Variants in PLOD2 observed in about 807,000 individuals in gnomAD.
The protein encoded by PLOD2 is procollagen-lysine,2-oxoglutarate 5-dioxygenase 2.
PLOD2 carries 65 observed loss-of-function variants against 101.0 expected under a neutral mutation model. The observed-to-expected ratio is 0.64, with a 90% CI of 0.53 to 0.79. The LOEUF is 0.79. Among genes scored for constraint, PLOD2 ranks in the 30% least tolerant of loss-of-function variants. The pLI is 0.00. For missense variants in PLOD2, 909 were observed against 914.6 expected, an observed-to-expected ratio of 0.99 and a Z score of 0.08; for synonymous variants, 314 against 302.9, an observed-to-expected ratio of 1.04 and a Z score of -0.38.
intron 1 of PLOD2, among the ~76,000 whole-genome samples, chr3:146,128,880 C>CTTTTTTTTTTTTTT (rs3975816): frequency 6.8e-5 from 5 of 73,180 alleles, no homozygotes; most frequent in Non-Finnish European, 9.6e-5. Context: ...ATCTGAAATC[C>CTTTTTTTTTTTTTT]TTTTTTTTTT....
intron 9 of PLOD2, among the ~76,000 whole-genome samples, chr3:146,087,761 TA>T (rs1262628541): frequency 6.6e-6 from 1 of 151,794 alleles, no homozygotes; most frequent in Non-Finnish European, 1.5e-5. Context: ...AGACAATACA[TA>T]AAAACAAAAT....
intron 2 of PLOD2, among the ~76,000 whole-genome samples, chr3:146,121,946 G>A (rs564874402): frequency 3.4e-4 from 51 of 152,150 alleles, no homozygotes; most frequent in African/African-American, 1.1e-3. Flanking sequence ...TGCAATACAC[G>A]TCCCTTCCCC....
intron 1 of PLOD2, among the ~76,000 whole-genome samples, chr3:146,152,559 T>C (rs1164316921): frequency 6.6e-6 from 1 of 152,160 alleles, no homozygotes; most frequent in African/African-American, 2.4e-5. Context: ...ATGGATCTCA[T>C]GGACTCCAAT....
rs2032561720 is a variant in PLOD2, at chr3:146,161,089, A to T, written c.-100T>A. Reference sequence around the variant, plus strand: ...GACCCGGGTCCGCCCTGAGCCGCCGATTGCGGGCGGGAGCCGGCGGGCAAG... The same window carrying T: ...GACCCGGGTCCGCCCTGAGCCGCCGTTTGCGGGCGGGAGCCGGCGGGCAAG... On this transcript the variant is annotated 5_prime_UTR_variant, in exon 1 of 20. Coordinates refer to ENST00000282903, the MANE Select transcript of PLOD2 (RefSeq NM_182943.3). 1 of 721,298 alleles carries T rather than the reference A, an allele frequency of 1.4e-6. No individual in the cohort carries two copies. The highest frequency in any genetic ancestry group is 2.0e-6 in the Non-Finnish European group (1 of 489,522). 44.7% of individuals were successfully genotyped at this position (721,298 alleles called of 1,614,324 possible). A position where few individuals can be genotyped will look rare whatever the true frequency, so the allele number is the denominator to read the frequency against.
At chr3:146,130,074 C>T (rs2030818747) in intron 1 of PLOD2, among the ~76,000 whole-genome samples, 1 of 152,182 alleles carries the variant, frequency 6.6e-6, no homozygotes, top group African/African-American at 2.4e-5. Flanking sequence ...CTTCTCTCCT[C>T]TCCAATCTCA....
chr3:146,103,063 T>C (rs1937447775), intron 6 of PLOD2, among the ~76,000 whole-genome samples: 1 of 152,176 alleles, frequency 6.6e-6, no homozygotes, highest in African/African-American at 2.4e-5. Flanking sequence ...CAGATACAGA[T>C]ACCAAACTCA....
rs1270040981 is a variant in PLOD2, at chr3:146,161,157, G to A, written c.-168C>T. On this transcript the variant is annotated 5_prime_UTR_variant, in exon 1 of 20. Transcript: ENST00000282903. ...GGAGCGGCGCGTAACGCAGCTGAGT[G>A]AGGTCGTCGGTGGAGGCACGGAGCA... 7.3e-6 allele frequency: 3 copies of A among 411,462 alleles called. No individual in the cohort carries two copies. Among genetic ancestry groups the A allele is most frequent in the Admixed American group, 4.7e-5 (1 of 21,336 alleles). The allele number at this position is 411,462 out of a possible 1,614,324, so 25.5% of individuals were successfully genotyped here.
intron 7 of PLOD2, 60 bp from the exon 8 acceptor site, chr3:146,091,961 T>C: frequency 1.2e-6 from 1 of 864,236 alleles, no homozygotes. Context: ...GTGGTTTCAT[T>C]CTATAATCAT....
chr3:146,096,736 C>G (rs1451045248), intron 7 of PLOD2, among the ~76,000 whole-genome samples: 2 of 149,876 alleles, frequency 1.3e-5, no homozygotes, highest in Non-Finnish European at 3.0e-5. Context: ...GGAAGCCACC[C>G]CGTCCGGGAG....
intron 1 of PLOD2, among the ~76,000 whole-genome samples, chr3:146,140,972 C>T (rs1347059312): frequency 6.6e-6 from 1 of 151,974 alleles, no homozygotes; most frequent in Non-Finnish European, 1.5e-5. Flanking sequence ...TGTCCATGTA[C>T]CTGCTCTGTC....
At chr3:146,119,488 A>T (rs564838817) in intron 3 of PLOD2, among the ~76,000 whole-genome samples, 139 of 152,236 alleles carry the variant, frequency 9.1e-4, no homozygotes, top group African/African-American at 3.1e-3. Context: ...CATGTGCACA[A>T]CGTGCAGGTT....
chr3:146,150,538 A>T (rs570698894), intron 1 of PLOD2, among the ~76,000 whole-genome samples: 1 of 152,228 alleles, frequency 6.6e-6, no homozygotes, highest in African/African-American at 2.4e-5. Context: ...GAACTCATAA[A>T]CACAAAGAAA....
intron 7 of PLOD2, among the ~76,000 whole-genome samples, chr3:146,095,884 T>TCTCCCCC (rs2108038344): frequency 1.7e-5 from 1 of 58,306 alleles, no homozygotes; most frequent in East Asian, 5.3e-4. Flanking sequence ...CCCTCTCCCC[T>TCTCCCCC]CTCCCCTCTC....
intron 3 of PLOD2, among the ~76,000 whole-genome samples, chr3:146,116,430 T>C (rs1166586178): frequency 6.6e-6 from 1 of 152,124 alleles, no homozygotes; most frequent in Non-Finnish European, 1.5e-5. Context: ...AACAGATAAA[T>C]ATTGAACCAT....
chr3:146,094,748 A>C (rs755701182), intron 7 of PLOD2, among the ~76,000 whole-genome samples: 2 of 152,224 alleles, frequency 1.3e-5, no homozygotes, highest in Non-Finnish European at 2.9e-5. Context: ...ACCAAAAAAG[A>C]GCCCGTATAG....
At chr3:146,137,638 G>A (rs2031307175) in intron 1 of PLOD2, among the ~76,000 whole-genome samples, 1 of 152,094 alleles carries the variant, frequency 6.6e-6, no homozygotes, top group Non-Finnish European at 1.5e-5. Flanking sequence ...GCATTAGCAT[G>A]GACTAGAACA....
chr3:146,111,115 C>G (rs1028914902), intron 3 of PLOD2, among the ~76,000 whole-genome samples: 2 of 152,144 alleles, frequency 1.3e-5, no homozygotes, highest in Non-Finnish European at 2.9e-5. Flanking sequence ...CTTTCTTCCT[C>G]ATGGTTCATT....
At chr3:146,120,524 AAACCTAGGC>A (rs1254822331) in intron 3 of PLOD2, among the ~76,000 whole-genome samples, 1 of 152,152 alleles carries the variant, frequency 6.6e-6, no homozygotes, top group East Asian at 1.9e-4. Flanking sequence ...CCCTAGAAGA[AAACCTAGGC>A]AATACCATTC....
At chr3:146,115,899 T>G (rs1033539018) in intron 3 of PLOD2, among the ~76,000 whole-genome samples, 1 of 152,098 alleles carries the variant, frequency 6.6e-6, no homozygotes, top group Non-Finnish European at 1.5e-5. Context: ...CAGCTGCATT[T>G]CAATAAAACT....
Sources: allele counts gnomAD v4.1 joint callset (sites outside exome capture counted in the v4.1 genomes callset), GRCh38; gene constraint gnomAD v4.1.1; transcripts MANE v1.5; gene names NCBI Gene and HGNC (gene_info 2026-07-23, HGNC 2026-07-21).